The following IQSEC1 variants were observed in gnomAD, a reference collection of about 807,000 sequenced individuals.
IQSEC1 encodes IQ motif and Sec7 domain ArfGEF 1.
In IQSEC1, 31 loss-of-function variants were observed where a neutral mutation model predicts 91.0. The ratio of observed to expected loss-of-function variants is 0.34; its 90% CI spans 0.26 to 0.46. The LOEUF is 0.46. IQSEC1 is among the 20% of genes least tolerant of loss of function. IQSEC1 has a pLI of 1.00. For missense variants in IQSEC1, 1,388 were observed against 1,575.6 expected, an observed-to-expected ratio of 0.88 and a Z score of 2.02; for synonymous variants, 699 against 662.6, an observed-to-expected ratio of 1.05 and a Z score of -0.84.
chr3:12,911,690 C>A lies in IQSEC1; in HGVS notation c.2355G>T (p.Thr785=), dbSNP rs755378826. 1.9e-6 allele frequency: 3 copies of A among 1,613,636 alleles called. No individual in the cohort carries two copies. The highest frequency in any genetic ancestry group is 1.6e-4 in the Middle Eastern group (1 of 6,062). The part of the protein sequence containing the change: ...KIFQKKKNSV[T]YSFRQSFSLY... Reference sequence around the variant, plus strand: ...AGGAGAAGGACTGTCGGAAGCTGTACGTCACCGAGTTCTTCTTCTTCTGGA... The same window carrying A: ...AGGAGAAGGACTGTCGGAAGCTGTAAGTCACCGAGTTCTTCTTCTTCTGGA... The change falls in exon 10 of 14, where the codon ACG becomes ACT. Residue 785 remains threonine, a synonymous_variant. Coordinates refer to ENST00000613206, the MANE Select transcript of IQSEC1 (RefSeq NM_001134382.3).
intron 1 of IQSEC1, among the ~76,000 whole-genome samples, chr3:13,242,784 G>A (rs947741182): frequency 6.6e-6 from 1 of 152,078 alleles, no homozygotes; most frequent in Non-Finnish European, 1.5e-5. Context: ...CACGTCACCG[G>A]GACTGGTTGG....
chr3:13,032,992 G>A (rs963921573), intron 1 of IQSEC1, among the ~76,000 whole-genome samples: 1 of 152,230 alleles, frequency 6.6e-6, no homozygotes, highest in Non-Finnish European at 1.5e-5. Context: ...AAACTGCAGT[G>A]CCTTTGGAAA....
intron 1 of IQSEC1, among the ~76,000 whole-genome samples, chr3:13,277,273 G>A (rs1379641036): frequency 1.3e-5 from 2 of 151,922 alleles, no homozygotes; most frequent in East Asian, 1.9e-4. Context: ...CAACGTGACC[G>A]ACCCCTCTCA....
At chr3:12,976,373 G>A (rs1056607742) in intron 1 of IQSEC1, among the ~76,000 whole-genome samples, 8 of 152,174 alleles carry the variant, frequency 5.3e-5, no homozygotes, top group African/African-American at 1.4e-4. Flanking sequence ...CCTCTTCCCC[G>A]GCTGCCTGCG....
At chr3:12,975,948 C>A (rs981950878) in intron 1 of IQSEC1, among the ~76,000 whole-genome samples, 1 of 152,240 alleles carries the variant, frequency 6.6e-6, no homozygotes, top group Non-Finnish European at 1.5e-5. Context: ...GCATCTGCCC[C>A]CCAACGGCTG....
At chr3:13,243,797 G>T (rs185510273) in intron 1 of IQSEC1, among the ~76,000 whole-genome samples, 30 of 151,824 alleles carry the variant, frequency 2.0e-4, no homozygotes. Flanking sequence ...GTATTTCTAG[G>T]GGGGCGTATG....
At chr3:13,258,642 T>G (rs1695331638) in intron 1 of IQSEC1, among the ~76,000 whole-genome samples, 2 of 151,954 alleles carry the variant, frequency 1.3e-5, no homozygotes, top group African/African-American at 4.8e-5. Flanking sequence ...GCTATGATTG[T>G]GCCACTGCAA....
intron 1 of IQSEC1, among the ~76,000 whole-genome samples, chr3:13,260,470 A>G (rs1381950757): frequency 6.6e-6 from 1 of 152,218 alleles, no homozygotes; most frequent in Admixed American, 6.5e-5. Flanking sequence ...CAGTAGGGGC[A>G]TGATTTTCTC....
In IQSEC1 at chr3:12,979,062, C is replaced by T. The variant is rs1312558656; in HGVS notation, c.24-37197G>A. On this transcript the variant is annotated intron_variant, in intron 1 of 13. Coordinates refer to ENST00000613206, the MANE Select transcript of IQSEC1 (RefSeq NM_001134382.3). This position sits in a 1 kb window ranked among gnomAD's most constrained non-coding sequence, Gnocchi z 4.3. Reference sequence around the variant, plus strand: ...CCAGTGGACCGAGCAGGAGCTTCATCCTGTGAGGGTGTAAGCAGGAGTGGG... The same window carrying T: ...CCAGTGGACCGAGCAGGAGCTTCATTCTGTGAGGGTGTAAGCAGGAGTGGG... Among the ~76,000 whole-genome samples the T allele has an allele frequency of 6.6e-6, 1 of 152,184 alleles. No homozygotes were observed. The highest frequency in any genetic ancestry group is 1.5e-5 in the Non-Finnish European group (1 of 68,046).
Position 13,192,744 on chromosome 3 carries a change from A to T in IQSEC1, c.273-28611T>A, listed in dbSNP as rs113427483. 2.3e-4 allele frequency among the ~76,000 whole-genome samples: 35 copies of T among 152,350 alleles called. 5 individuals are homozygous for T. The highest frequency in any genetic ancestry group is 7.9e-4 in the African/African-American group (33 of 41,582). On this transcript the variant is annotated intron_variant, in intron 1 of 15. Transcript: ENST00000648114. Reference sequence around the variant, plus strand: ...TTATGGAGGCCCCCGACACAGTCCCAAACTCCACTTCTTGTGTAGACATTT... The same window carrying T: ...TTATGGAGGCCCCCGACACAGTCCCTAACTCCACTTCTTGTGTAGACATTT...
chr3:13,127,296 C>T (rs1172687681), intron 2 of IQSEC1, among the ~76,000 whole-genome samples: 2 of 152,110 alleles, frequency 1.3e-5, no homozygotes, highest in African/African-American at 4.8e-5. Context: ...CGCCTGTAAT[C>T]CCAGCTACTT....
chr3:12,991,625 AGGCAG>A (rs1701995284), intron 1 of IQSEC1, among the ~76,000 whole-genome samples: 1 of 152,196 alleles, frequency 6.6e-6, no homozygotes. Context: ...ACCAGCACAA[AGGCAG>A]CTCCAGCTTG....
chr3:12,977,173 C>A (rs1453864930), intron 1 of IQSEC1, among the ~76,000 whole-genome samples: 4 of 152,006 alleles, frequency 2.6e-5, no homozygotes, highest in Non-Finnish European at 5.9e-5. Context: ...ATGGCGAAAC[C>A]TCATCTCTAC....
At chr3:13,277,106 TAAAAAAAAAAAAA>T (rs4034193) in intron 1 of IQSEC1, among the ~76,000 whole-genome samples, 27 of 35,990 alleles carry the variant, frequency 7.5e-4, no homozygotes, top group Admixed American at 2.6e-3. Flanking sequence ...TGCTCCTCCT[TAAAAAAAAAAAAA>T]AAAAAAAAAA....
intron 1 of IQSEC1, among the ~76,000 whole-genome samples, chr3:13,020,263 G>A (rs1229988547): frequency 6.6e-6 from 1 of 152,180 alleles, no homozygotes; most frequent in Non-Finnish European, 1.5e-5. Context: ...GGCAGGGGCA[G>A]GGGCAGGGGC....
intron 1 of IQSEC1, among the ~76,000 whole-genome samples, chr3:13,033,956 G>A (rs1420695938): frequency 6.6e-6 from 1 of 152,196 alleles, no homozygotes; most frequent in African/African-American, 2.4e-5. Context: ...GATGAACACG[G>A]TGTTCCCGCT....
chr3:12,943,246 A>G (rs1038734484), intron 1 of IQSEC1, among the ~76,000 whole-genome samples: 4 of 152,014 alleles, frequency 2.6e-5, no homozygotes, highest in African/African-American at 9.7e-5. Flanking sequence ...TGTCCCTGCA[A>G]TGTGCACACA....
At chr3:13,225,479 A>T (rs1328725287) in intron 1 of IQSEC1, among the ~76,000 whole-genome samples, 1 of 152,212 alleles carries the variant, frequency 6.6e-6, no homozygotes, top group Non-Finnish European at 1.5e-5. Flanking sequence ...GCTGTGTTAA[A>T]ATGAAAGTTC....
chr3:13,077,699 G>A (rs562179632), upstream of IQSEC1, among the ~76,000 whole-genome samples: 4 of 152,310 alleles, frequency 2.6e-5, no homozygotes, highest in East Asian at 5.8e-4. Flanking sequence ...GGTGGCTGAC[G>A]GAGGGAGGAA....
Sources: allele counts gnomAD v4.1 joint callset (sites outside exome capture counted in the v4.1 genomes callset), GRCh38; gene constraint gnomAD v4.1.1; non-coding constraint Gnocchi (gnomAD v3.1); transcripts MANE v1.5; gene names NCBI Gene and HGNC (gene_info 2026-07-23, HGNC 2026-07-21).